The following SLC2A5 variants were observed in gnomAD, a reference collection of about 807,000 sequenced individuals.
SLC2A5 encodes the protein solute carrier family 2 member 5.
A neutral mutation model predicts 50.3 loss-of-function variants in SLC2A5; 56 were observed. That is an observed-to-expected ratio of 1.11 (90% confidence interval 0.90 to 1.39). SLC2A5 has a LOEUF of 1.39. Among genes scored for constraint, SLC2A5 ranks in the 40% most tolerant of loss-of-function variants. The pLI is 0.00. For synonymous variants in SLC2A5, 269 were observed against 281.9 expected (o/e 0.95, Z 0.46); for missense variants, 566 against 650.1 (o/e 0.87, Z 1.41).
intron 3 of SLC2A5, among the ~76,000 whole-genome samples, chr1:9,052,257 C>A (rs1314729115): frequency 6.6e-6 from 1 of 152,114 alleles, no homozygotes; most frequent in South Asian, 2.1e-4. Context: ...GCACTCCAGC[C>A]TGGGTGACAG....
At chr1:9,049,450 A>G (rs528816151) in intron 3 of SLC2A5, among the ~76,000 whole-genome samples, 2 of 152,290 alleles carry the variant, frequency 1.3e-5, no homozygotes, top group East Asian at 1.9e-4. Context: ...CAGGCCGGGC[A>G]TGGTGGCTCA....
chr1:9,045,617 G>T (rs957237754), intron 4 of SLC2A5, among the ~76,000 whole-genome samples: 4 of 152,118 alleles, frequency 2.6e-5, no homozygotes, highest in African/African-American at 9.7e-5. Context: ...GCCGGGCATG[G>T]TGGCTCACGC....
rs547015481 is a variant in SLC2A5, at chr1:9,065,467, C to T, written c.33+4037G>A. 3.3e-5 allele frequency among the ~76,000 whole-genome samples: 5 copies of T among 152,296 alleles called. No individual in the cohort carries two copies. The East Asian group carries it at 7.7e-4, about 23-fold the overall frequency. Reference sequence around the variant, plus strand: ...ATCTGCAGTCAGAATGCAAACACCCCGGAGTAGTTAGCGCTCATGGAGGAT... The same window carrying T: ...ATCTGCAGTCAGAATGCAAACACCCTGGAGTAGTTAGCGCTCATGGAGGAT... On this transcript the variant is annotated intron_variant, in intron 1 of 11. Transcript: ENST00000377424.
chr1:9,080,408 A>G (rs1266940984), intron 2 of SLC2A5, among the ~76,000 whole-genome samples: 2 of 152,148 alleles, frequency 1.3e-5, no homozygotes, highest in African/African-American at 4.8e-5. Flanking sequence ...CACAGTAGCT[A>G]CGCCATTTTA....
intron 1 of SLC2A5, among the ~76,000 whole-genome samples, chr1:9,064,994 A>G (rs905340484): frequency 1.5e-4 from 22 of 151,060 alleles, no homozygotes; most frequent in African/African-American, 5.4e-4. Flanking sequence ...TGGAGGTTGC[A>G]GTGAGCTGAA....
chr1:9,039,002 G>C, intron 8 of SLC2A5, 73 bp from the exon 9 acceptor site: 2 of 1,545,436 alleles, frequency 1.3e-6, no homozygotes, highest in Non-Finnish European at 1.8e-6. Flanking sequence ...CAATGGGGCA[G>C]CTGTGAGGAG....
At chr1:9,090,124 C>G (rs1642447774), upstream of SLC2A5, among the ~76,000 whole-genome samples, 1 of 152,096 alleles carries the variant, frequency 6.6e-6, no homozygotes, top group South Asian at 2.1e-4. Context: ...CACTGTCCCA[C>G]TCCTTTATTA....
chr1:9,074,755 C>G (rs985953643), intron 2 of SLC2A5, among the ~76,000 whole-genome samples: 1 of 152,008 alleles, frequency 6.6e-6, no homozygotes, highest in Non-Finnish European at 1.5e-5. Context: ...TTTCAAGAAG[C>G]GCTTTCTCCT....
intron 2 of SLC2A5, among the ~76,000 whole-genome samples, chr1:9,078,681 T>C (rs1642319184): frequency 6.6e-6 from 1 of 152,238 alleles, no homozygotes; most frequent in African/African-American, 2.4e-5. Flanking sequence ...TACATTGTTC[T>C]TTGTACCATG....
At chr1:9,092,445 G>C (rs955110801), upstream of SLC2A5, among the ~76,000 whole-genome samples, 7 of 151,980 alleles carry the variant, frequency 4.6e-5, no homozygotes, top group African/African-American at 1.7e-4. Context: ...AGATATAAAG[G>C]AAGAGTTAAA....
In SLC2A5 at chr1:9,037,596, G is replaced by A. The variant is rs946943401; in HGVS notation, c.1496C>T (p.Ser499Leu). The A allele has an allele frequency of 1.9e-6, 3 of 1,613,642 alleles. No individual in the cohort carries two copies. The highest frequency in any genetic ancestry group is 2.7e-5 in the African/African-American group (2 of 74,938). The stretch of plus-strand genomic sequence containing the variant: ...GCTTCCTCTCCAGAGTCACTGTTCC[G>A]AAGTGACAGGTGGAAGCTCTTTCAG... ...EELKELPPVTSEQ is the reference protein window; with the variant it reads ...EELKELPPVTLEQ The change falls in exon 12 of 12, where the codon TCG becomes TTG. Residue 499 changes from serine (S) to leucine (L), a missense_variant. By Grantham distance (145) the Ser-to-Leu change is moderately radical. Transcript: ENST00000377424.
At chr1:9,063,115 C>T (rs986039710) in intron 1 of SLC2A5, among the ~76,000 whole-genome samples, 4 of 152,162 alleles carry the variant, frequency 2.6e-5, no homozygotes, top group African/African-American at 9.7e-5. Context: ...CCTGTGAGTT[C>T]GACTTAGAGA....
At chr1:9,060,050 CCACACA>C (rs1192653832) in intron 1 of SLC2A5, among the ~76,000 whole-genome samples, 3 of 143,048 alleles carry the variant, frequency 2.1e-5, no homozygotes, top group African/African-American at 7.8e-5. Context: ...TACACACACA[CCACACA>C]CACACAATAC....
intron 2 of SLC2A5, 35 bp downstream of exon 2, chr1:9,058,117 G>A: frequency 1.3e-6 from 2 of 1,522,018 alleles, no homozygotes; most frequent in Non-Finnish European, 9.1e-7. Flanking sequence ...TGCTCCAAAC[G>A]TCCTCCCCAC....
At chr1:9,067,911 C>T (rs1375264439) in intron 1 of SLC2A5, among the ~76,000 whole-genome samples, 6 of 152,068 alleles carry the variant, frequency 3.9e-5, no homozygotes, top group Non-Finnish European at 7.4e-5. Context: ...TTACGATGGC[C>T]GGGCGCGGTG....
intron 2 of SLC2A5, among the ~76,000 whole-genome samples, chr1:9,076,882 C>T (rs531253559): frequency 3.3e-5 from 5 of 150,736 alleles, no homozygotes; most frequent in Non-Finnish European, 5.9e-5. Flanking sequence ...CTCCGTCTCC[C>T]GGGTTCAAGC....
upstream of SLC2A5, among the ~76,000 whole-genome samples, chr1:9,070,722 T>C (rs911937606): frequency 1.3e-5 from 2 of 152,110 alleles, no homozygotes; most frequent in African/African-American, 4.8e-5. Flanking sequence ...ATCTCATGCA[T>C]CTTTAAACAA....
rs1052693402 is a variant in SLC2A5, at chr1:9,038,786, C to T, written c.1098+42G>A. 4.6e-6 allele frequency: 7 copies of T among 1,527,578 alleles called. No homozygotes were observed. In the Admixed American group the frequency reaches 6.2e-5, roughly 14 times the overall value. The allele number at this position is 1,527,578 out of a possible 1,614,324, so 94.6% of individuals were successfully genotyped here. ...CAGGATGGGAGGGGCACTGGTCTTC[C>T]TGGTGCAGCTCCGGGCTCCTGGGAC... On this transcript the variant is annotated intron_variant, in intron 9 of 11. Coordinates refer to ENST00000377424, the MANE Select transcript of SLC2A5 (RefSeq NM_003039.3).
chr1:9,076,649 A>G (rs920169685), intron 2 of SLC2A5, among the ~76,000 whole-genome samples: 1 of 152,134 alleles, frequency 6.6e-6, no homozygotes, highest in Non-Finnish European at 1.5e-5. Flanking sequence ...CCATTTATTA[A>G]TCTAAAGGAA....
Sources: gnomAD v4.1 joint callset for allele counts (sites outside exome capture counted in the v4.1 genomes callset) on GRCh38, gnomAD v4.1.1 for gene constraint, MANE v1.5 for transcripts, NCBI Gene and HGNC (gene_info 2026-07-23, HGNC 2026-07-21) for gene names.